The following USP34 variants were observed in gnomAD, a reference collection of about 807,000 sequenced individuals.
USP34 encodes the protein ubiquitin specific peptidase 34.
A neutral mutation model predicts 460.3 loss-of-function variants in USP34; 70 were observed. The observed-to-expected ratio is 0.15, with a 90% CI of 0.13 to 0.19. The LOEUF (loss-of-function observed/expected upper bound fraction) is 0.19, where lower values mean the gene tolerates loss of function less well. Ranked by LOEUF, USP34 falls within the 10% of genes least tolerant of loss-of-function variation. The probability of loss-of-function intolerance (pLI) is 1.00; values close to 1 mark genes in which losing one functional copy is unlikely to be tolerated. For missense variants in USP34, 3,985 were observed against 4,236.2 expected (o/e 0.94, Z 1.65); for synonymous variants, 1,647 against 1,405.3 (o/e 1.17, Z -3.85).
intron 3 of USP34, among the ~76,000 whole-genome samples, chr2:61,403,363 T>A (rs1285274156): frequency 6.6e-6 from 1 of 152,054 alleles, no homozygotes; most frequent in Non-Finnish European, 1.5e-5. Flanking sequence ...ATTAAGAAAT[T>A]TTTAATTGGA....
chr2:61,406,694 T>A (rs1463957791), intron 2 of USP34, among the ~76,000 whole-genome samples: 5 of 129,154 alleles, frequency 3.9e-5, no homozygotes, highest in East Asian at 2.4e-4. Context: ...AAAAAATATA[T>A]GTGTATTTAA....
intron 48 of USP34, 146 bp downstream of exon 48, chr2:61,256,238 G>C: frequency 1.4e-6 from 1 of 689,954 alleles, no homozygotes; most frequent in Middle Eastern, 3.6e-4. Context: ...ACAACTAGAT[G>C]AAAAGTTGCT....
chr2:61,287,250 A>T (rs754817852), intron 34 of USP34, among the ~76,000 whole-genome samples: 1 of 152,126 alleles, frequency 6.6e-6, no homozygotes, highest in African/African-American at 2.4e-5. Flanking sequence ...ATCAGTAACA[A>T]TTCATTACTT....
intron 5 of USP34, among the ~76,000 whole-genome samples, chr2:61,393,459 A>G (rs1278019393): frequency 1.3e-5 from 2 of 150,716 alleles, no homozygotes; most frequent in East Asian, 3.9e-4. Context: ...CAACATTATT[A>G]ACCTACATGC....
At chr2:61,360,777 T>TCCCA in intron 10 of USP34, among the ~76,000 whole-genome samples, 1 of 152,104 alleles carries the variant, frequency 6.6e-6, no homozygotes, top group South Asian at 2.1e-4. Flanking sequence ...CACCTCAGCC[T>TCCCA]CCCAAGTAGC....
intron 5 of USP34, among the ~76,000 whole-genome samples, chr2:61,391,217 G>T (rs1255169843): frequency 1.3e-5 from 2 of 152,112 alleles, no homozygotes; most frequent in Non-Finnish European, 2.9e-5. Context: ...AGGCCAAGGC[G>T]GGCGGATCAT....
intron 10 of USP34, among the ~76,000 whole-genome samples, chr2:61,353,415 A>ATG (rs1692009890): frequency 6.9e-6 from 1 of 144,690 alleles, no homozygotes. Flanking sequence ...TTTTTTTGAG[A>ATG]CAGTCTTGCT....
rs549627463 is a variant in USP34 at position 61,401,811 on chromosome 2, G to A, written c.552+3897C>T. On this transcript the variant is annotated intron_variant, in intron 3 of 79. Transcript: ENST00000398571. The stretch of plus-strand genomic sequence containing the variant: ...CTGACCTTGTGATCCACCTGCCTCA[G>A]CCTCCAAAAGTGCTGGGATTACAGG... Among the ~76,000 whole-genome samples the A allele has an allele frequency of 6.2e-4, 93 of 150,222 alleles. 1 individual carries two copies. The highest frequency in any genetic ancestry group is 2.0e-3 in the African/African-American group (83 of 40,966).
intron 39 of USP34, among the ~76,000 whole-genome samples, chr2:61,279,342 T>A (rs1409784477): frequency 1.3e-5 from 2 of 152,196 alleles, no homozygotes; most frequent in African/African-American, 4.8e-5. Flanking sequence ...TCCTAAATAT[T>A]TCAAAGGATC....
At chr2:61,452,794 A>T (rs932768397) in intron 1 of USP34, among the ~76,000 whole-genome samples, 5 of 151,544 alleles carry the variant, frequency 3.3e-5, no homozygotes, top group African/African-American at 4.9e-5. Flanking sequence ...CTGACATAAG[A>T]GGATCGCTTG....
chr2:61,399,074 G>A (rs372439596), intron 3 of USP34, among the ~76,000 whole-genome samples: 18 of 152,196 alleles, frequency 1.2e-4, no homozygotes, highest in African/African-American at 3.4e-4. Context: ...ATCTCCTAAC[G>A]GCCGGTGCAG....
chr2:61,347,759 C>T, intron 15 of USP34, 111 bp downstream of exon 15: 1 of 1,493,850 alleles, frequency 6.7e-7, no homozygotes, highest in Non-Finnish European at 8.9e-7. Flanking sequence ...ATAGTTTGCA[C>T]TATACTACTA....
chr2:61,277,731 C>T (rs776209844), intron 41 of USP34: 10 of 155,042 alleles, frequency 6.4e-5, no homozygotes, highest in Admixed American at 1.9e-4. Context: ...ACAGTTTGGC[C>T]GTGTCTCCAC....
chr2:61,416,540 G>C (rs931931635), intron 2 of USP34, among the ~76,000 whole-genome samples: 2 of 151,974 alleles, frequency 1.3e-5, no homozygotes, highest in Non-Finnish European at 2.9e-5. Context: ...ACTCAGTTTT[G>C]TAATAAGCTT....
intron 69 of USP34, among the ~76,000 whole-genome samples, chr2:61,210,460 G>A (rs1687242439): frequency 6.6e-6 from 1 of 152,146 alleles, no homozygotes; most frequent in Non-Finnish European, 1.5e-5. Context: ...TATCCTAGGG[G>A]TGTAGCAGGC....
At position 61,206,796 on chromosome 2, in the gene USP34, C is replaced by G; in HGVS notation, c.9010G>C (p.Val3004Leu). ...AGATAAGGGCGTGTAGACTTCAAAA[C>G]CGAAAGAAATATTGACAGAAGTTCT... is the stretch of plus-strand genomic sequence containing the variant. ...LVELLSIFLS[V>L]LKSTRPYLQR... is the part of the protein sequence containing the mutation. Residue 3004 changes from valine to leucine, a missense_variant, in exon 71 of 80, where the codon GTT becomes CTT. Transcript: ENST00000398571. 6.2e-7 allele frequency: 1 copy of G among 1,613,592 alleles called. No homozygotes were observed. Among genetic ancestry groups the G allele is most frequent in the South Asian group, 1.1e-5 (1 of 91,046 alleles).
At chr2:61,236,671 G>C (rs1688077979) in intron 53 of USP34, among the ~76,000 whole-genome samples, 2 of 152,128 alleles carry the variant, frequency 1.3e-5, no homozygotes, top group Admixed American at 6.5e-5. Context: ...TGAAGAGCAA[G>C]TATATAATTG....
chr2:61,348,584 T>C, intron 14 of USP34, 104 bp from the exon 15 acceptor site: 1 of 1,468,534 alleles, frequency 6.8e-7, no homozygotes, highest in Non-Finnish European at 9.0e-7. Context: ...CCAGTCTTGT[T>C]ATACTCCTTT....
At chr2:61,387,555 TA>T (rs1368735156) in intron 5 of USP34, among the ~76,000 whole-genome samples, 6 of 146,986 alleles carry the variant, frequency 4.1e-5, no homozygotes, top group African/African-American at 1.5e-4. Context: ...AAAATATATA[TA>T]TTTATATATA....
Sources: gnomAD v4.1 joint callset for allele counts (sites outside exome capture counted in the v4.1 genomes callset) on GRCh38, gnomAD v4.1.1 for gene constraint, MANE v1.5 for transcripts, NCBI Gene and HGNC (gene_info 2026-07-23, HGNC 2026-07-21) for gene names.